Variants in ZNF577 observed in about 807,000 individuals in gnomAD.
The protein encoded by ZNF577 is zinc finger protein 577.
In ZNF577, 14 loss-of-function variants were observed where a neutral mutation model predicts 13.9. The ratio of observed to expected loss-of-function variants is 1.00; its 90% CI spans 0.66 to 1.57. ZNF577 has a LOEUF of 1.57. Among genes scored for constraint, ZNF577 ranks in the 40% most tolerant of loss-of-function variants. The probability of loss-of-function intolerance (pLI) is 0.00; values close to 1 mark genes in which losing one functional copy is unlikely to be tolerated. For missense variants in ZNF577, 555 were observed against 579.2 expected (o/e 0.96, Z 0.43); for synonymous variants, 203 against 202.9 (o/e 1.00, Z 0.00).
rs2084638632 is a variant in ZNF577, at chr19:51,870,296, G to A, written c.*2236C>T. Among the ~76,000 whole-genome samples, 1 of 152,078 alleles carries A rather than the reference G, an allele frequency of 6.6e-6. No homozygotes were observed. The highest frequency in any genetic ancestry group is 2.4e-5 in the African/African-American group (1 of 41,388). On this transcript the variant is annotated 3_prime_UTR_variant, in exon 6 of 6. Transcript: ENST00000638348. Reference sequence around the variant, plus strand: ...TTGCACACCTGGGTAAGTTTGTATTGGATGCCAGACATGGTCAATTACTGA... The same window carrying A: ...TTGCACACCTGGGTAAGTTTGTATTAGATGCCAGACATGGTCAATTACTGA...
downstream of ZNF577, chr19:51,862,974 T>G (rs1376872303): frequency 1.3e-5 from 2 of 152,224 alleles, no homozygotes; most frequent in African/African-American, 4.8e-5. Context: ...CTTCTCCACA[T>G]TTGCTGCATG....
intron 5 of ZNF577, among the ~76,000 whole-genome samples, chr19:51,848,762 C>T (rs7252110): frequency 0.34 from 51,066 of 151,812 alleles, 8,944 homozygotes; most frequent in South Asian, 0.54. Context: ...TCCTTTTTTC[C>T]CTGGCTAGAT....
At chr19:51,830,336 T>C (rs1350204626) in intron 9 of ZNF577, among the ~76,000 whole-genome samples, 1 of 152,242 alleles carries the variant, frequency 6.6e-6, no homozygotes, top group African/African-American at 2.4e-5. Context: ...CGCGTCCTCC[T>C]GAACTTTACA....
At chr19:51,863,549 T>C (rs1401993150), downstream of ZNF577, among the ~76,000 whole-genome samples, 1 of 152,162 alleles carries the variant, frequency 6.6e-6, no homozygotes, top group African/African-American at 2.4e-5. Flanking sequence ...AGAAAAACCA[T>C]ATGTACCTGT....
chr19:51,878,200 C>T lies in ZNF577; in HGVS notation c.187+189G>A, dbSNP rs1440253568. 1.1e-5 allele frequency: 5 copies of T among 449,882 alleles called. 1 individual carries two copies. Among genetic ancestry groups the T allele is most frequent in the South Asian group, 9.0e-5 (2 of 22,110 alleles). The allele number at this position is 449,882 out of a possible 1,614,324, so 27.9% of individuals were successfully genotyped here. ...TGGTGGCTGCATAACACTATGTGCG[C>T]GAATGCATTTAACCCACTGAACTGC... On this transcript the variant is annotated intron_variant, in intron 4 of 5. Transcript: ENST00000638348.
intron 5 of ZNF577, among the ~76,000 whole-genome samples, chr19:51,876,999 C>A (rs1294181133): frequency 6.6e-6 from 1 of 150,654 alleles, no homozygotes; most frequent in African/African-American, 2.4e-5. Context: ...AAGGAAGGGG[C>A]AAAAGTCAGG....
At position 51,869,732 on chromosome 19, in the gene ZNF577, G is replaced by T. The variant is rs2084627544; in HGVS notation, c.*2800C>A. 6.6e-6 allele frequency among the ~76,000 whole-genome samples: 1 copy of T among 152,174 alleles called. No homozygotes were observed. The highest frequency in any genetic ancestry group is 6.5e-5 in the Admixed American group (1 of 15,278). On this transcript the variant is annotated 3_prime_UTR_variant, in exon 6 of 6. Coordinates refer to ENST00000638348, the MANE Select transcript of ZNF577 (RefSeq NM_001370449.1). Reference sequence around the variant, plus strand: ...GAAAAATGGCCAAAGGCAGATGTGTGCCAGAAACCCCTACAGGGGCTAAAC... The same window carrying T: ...GAAAAATGGCCAAAGGCAGATGTGTTCCAGAAACCCCTACAGGGGCTAAAC...
downstream of ZNF577, among the ~76,000 whole-genome samples, chr19:51,865,416 A>G (rs569735562): frequency 6.6e-6 from 1 of 152,104 alleles, no homozygotes; most frequent in South Asian, 2.1e-4. Context: ...GATTTCTAAC[A>G]CCATATATAC....
chr19:51,865,792 A>T (rs970956501), downstream of ZNF577, among the ~76,000 whole-genome samples: 3 of 152,086 alleles, frequency 2.0e-5, no homozygotes, highest in African/African-American at 7.2e-5. Context: ...CACTGACCTC[A>T]CATTTTATCC....
chr19:51,820,746 G>A (rs919424728), intron 9 of ZNF577, among the ~76,000 whole-genome samples: 1 of 152,108 alleles, frequency 6.6e-6, no homozygotes, highest in Non-Finnish European at 1.5e-5. Flanking sequence ...CTCCAACTCT[G>A]GTTCTACCCC....
intron 10 of ZNF577, chr19:51,811,381 C>T (rs1412383840): frequency 2.0e-5 from 3 of 152,148 alleles, no homozygotes; most frequent in Admixed American, 1.3e-4. Context: ...TTTCAGTAGA[C>T]GAATTCTGCC....
At chr19:51,814,864 C>T (rs1299084085) in intron 9 of ZNF577, among the ~76,000 whole-genome samples, 2 of 152,024 alleles carry the variant, frequency 1.3e-5, no homozygotes, top group Non-Finnish European at 2.9e-5. Flanking sequence ...GGCTGGAGTG[C>T]AGTGGCGCCA....
rs777960655 is a variant in ZNF577 at position 51,873,158 on chromosome 19, C to T, written c.832G>A (p.Ala278Thr). The T allele has an allele frequency of 6.2e-7, 1 of 1,614,120 alleles. No individual in the cohort carries two copies. The highest frequency in any genetic ancestry group is 1.1e-5 in the South Asian group (1 of 91,090). Reference sequence around the variant, plus strand: ...GTGAGGTATGCCTTCTGAGAAAAGGCTTTCCCACACACACTGCACCCATAG... The same window carrying T: ...GTGAGGTATGCCTTCTGAGAAAAGGTTTTCCCACACACACTGCACCCATAG... ...KLYGCSVCGK[A>T]FSQKAYLTAH... Residue 278 changes from alanine to threonine, a missense_variant, in exon 6 of 6, where the codon GCC becomes ACC. Ala to Thr is a moderately conservative substitution (Grantham distance 58, BLOSUM62 0). Coordinates refer to ENST00000638348, the MANE Select transcript of ZNF577 (RefSeq NM_001370449.1).
chr19:51,830,328 C>T (rs1004608404), intron 9 of ZNF577, among the ~76,000 whole-genome samples: 3 of 152,186 alleles, frequency 2.0e-5, no homozygotes, highest in Non-Finnish European at 2.9e-5. Context: ...GTACCACACG[C>T]GTCCTCCTGA....
chr19:51,865,539 A>G (rs1262789376), downstream of ZNF577, among the ~76,000 whole-genome samples: 1 of 152,234 alleles, frequency 6.6e-6, no homozygotes, highest in African/African-American at 2.4e-5. Flanking sequence ...TCCTTACCCC[A>G]GGATAAAAGG....
intron 5 of ZNF577, among the ~76,000 whole-genome samples, chr19:51,875,375 A>G (rs1428262343): frequency 2.0e-5 from 3 of 151,800 alleles, no homozygotes; most frequent in East Asian, 1.9e-4. Context: ...AAAAAAAAAA[A>G]AAAAAAAAAG....
intron 5 of ZNF577, chr19:51,860,841 T>G: frequency 8.3e-6 from 3 of 360,050 alleles, no homozygotes; most frequent in South Asian, 6.4e-5. Flanking sequence ...TCACTGTATC[T>G]ATGAGATTTC....
chr19:51,835,377 T>C (rs1482394162), intron 9 of ZNF577, among the ~76,000 whole-genome samples: 1 of 150,456 alleles, frequency 6.6e-6, no homozygotes, highest in Admixed American at 6.6e-5. Flanking sequence ...GTCCAATACC[T>C]AGTAAAGAAA....
chr19:51,813,112 C>G (rs113379214), intron 9 of ZNF577, among the ~76,000 whole-genome samples: 2,844 of 145,102 alleles, frequency 0.02, 84 homozygotes, highest in African/African-American at 0.067. Flanking sequence ...GAGTGATGCT[C>G]TGTCTCAACA....
Sources: allele counts gnomAD v4.1 joint callset (sites outside exome capture counted in the v4.1 genomes callset), GRCh38; gene constraint gnomAD v4.1.1; transcripts MANE v1.5; gene names NCBI Gene and HGNC (gene_info 2026-07-23, HGNC 2026-07-21).